Variants in CHAT observed in about 807,000 individuals in gnomAD.
The protein encoded by CHAT is choline O-acetyltransferase.
In CHAT, 61 loss-of-function variants were observed where a neutral mutation model predicts 76.9. That is an observed-to-expected ratio of 0.79 (90% confidence interval 0.65 to 0.98). The LOEUF (loss-of-function observed/expected upper bound fraction) is 0.98, where lower values mean the gene tolerates loss of function less well. Among genes scored for constraint, CHAT ranks in the 50% least tolerant of loss-of-function variants. The probability of loss-of-function intolerance (pLI) is 0.00; values close to 1 mark genes in which losing one functional copy is unlikely to be tolerated. For missense variants in CHAT, 946 were observed against 986.9 expected, an observed-to-expected ratio of 0.96 and a Z score of 0.56; for synonymous variants, 407 against 397.4, an observed-to-expected ratio of 1.02 and a Z score of -0.29.
chr10:49,620,474 CT>C lies in CHAT; in HGVS notation c.580-19del. 1 of 1,557,724 alleles carries C rather than the reference CT, an allele frequency of 6.4e-7. No individual in the cohort carries two copies. On this transcript the variant is annotated intron_variant, in intron 3 of 14. Coordinates refer to ENST00000337653, the MANE Select transcript of CHAT (RefSeq NM_020549.5). ...GGACTGTTTGGGGGGATGTGACGGC[CT>C]TCCCTGCCCTCCCCGGCAGGTGTCT...
chr10:49,612,371 G>T, upstream of CHAT: 2 of 1,553,116 alleles, frequency 1.3e-6, no homozygotes, highest in East Asian at 2.3e-5. Context: ...CCACCCAACC[G>T]CCTTGGGTCA....
At chr10:49,617,020 A>T (rs74467786) in intron 2 of CHAT, among the ~76,000 whole-genome samples, 1 of 152,100 alleles carries the variant, frequency 6.6e-6, no homozygotes, top group Non-Finnish European at 1.5e-5. Context: ...CTTAGGCACC[A>T]TGTTCTCCAC....
intron 6 of CHAT, 99 bp downstream of exon 6, chr10:49,625,752 T>TCG: frequency 7.8e-7 from 1 of 1,280,132 alleles, no homozygotes; most frequent in Non-Finnish European, 1.1e-6. Flanking sequence ...CCTCCTTCCC[T>TCG]GAGTCACACA....
chr10:49,645,419 C>G (rs1839625941), intron 7 of CHAT, among the ~76,000 whole-genome samples: 1 of 152,170 alleles, frequency 6.6e-6, no homozygotes, highest in Admixed American at 6.5e-5. Context: ...TTTGGGTGGA[C>G]TTTTTAACTT....
intron 1 of CHAT, among the ~76,000 whole-genome samples, chr10:49,615,544 G>A (rs746170230): frequency 1.6e-4 from 24 of 152,172 alleles, no homozygotes; most frequent in Non-Finnish European, 3.2e-4. Context: ...GGGTAGGGGT[G>A]GTGTTGGGTG....
chr10:49,622,933 G>C (rs1482239630), intron 5 of CHAT, among the ~76,000 whole-genome samples: 1 of 152,168 alleles, frequency 6.6e-6, no homozygotes. Flanking sequence ...ACCCAGCCTT[G>C]GGACAGAGGC....
intron 2 of CHAT, 48 bp downstream of exon 2, chr10:49,616,650 A>C (rs776731733): frequency 7.0e-6 from 9 of 1,294,090 alleles, no homozygotes; most frequent in Non-Finnish European, 9.9e-6. Flanking sequence ...CCCCACCTAC[A>C]TGCCCTTGCT....
At chr10:49,642,063 A>T (rs1012840686) in intron 7 of CHAT, among the ~76,000 whole-genome samples, 1 of 152,064 alleles carries the variant, frequency 6.6e-6, no homozygotes, top group African/African-American at 2.4e-5. Flanking sequence ...CTCCTTGGGC[A>T]TGGGTGTCAG....
At chr10:49,648,735 AC>A in intron 9 of CHAT, 128 bp downstream of exon 9, 2 of 650,714 alleles carry the variant, frequency 3.1e-6, no homozygotes, top group Non-Finnish European at 5.5e-6. Flanking sequence ...ATACACACAC[AC>A]ACACACACAC....
At chr10:49,646,194 C>T (rs1012764677) in intron 7 of CHAT, among the ~76,000 whole-genome samples, 10 of 152,188 alleles carry the variant, frequency 6.6e-5, no homozygotes, top group African/African-American at 2.4e-4. Flanking sequence ...CTAAGCATCC[C>T]GCTTCATCTT....
At position 49,640,574 on chromosome 10, in the gene CHAT, A is replaced by G. The variant is rs578028546; in HGVS notation, c.1112-5931A>G. On this transcript the variant is annotated intron_variant, in intron 7 of 14. Coordinates refer to ENST00000337653, the MANE Select transcript of CHAT (RefSeq NM_020549.5). ...TGGGGAAAAGGACGGAGGGCTGGTT[A>G]TTGCTCAATGGAGATAGAATTCTCA... 9.9e-5 allele frequency among the ~76,000 whole-genome samples: 15 copies of G among 152,216 alleles called. No homozygotes were observed. In the South Asian group the frequency reaches 2.9e-3, roughly 29 times the overall value.
chr10:49,616,400 C>A, intron 1 of CHAT, 102 bp from the exon 2 acceptor site: 1 of 912,230 alleles, frequency 1.1e-6, no homozygotes, highest in Non-Finnish European at 1.8e-6. Flanking sequence ...AGGCTCTGGC[C>A]TCCTCATGGG....
chr10:49,622,040 G>GAAGGTAGGGAAGAGGAA, intron 4 of CHAT, 57 bp from the exon 5 acceptor site: 1 of 1,544,902 alleles, frequency 6.5e-7, no homozygotes, highest in Non-Finnish European at 8.9e-7. Flanking sequence ...AAGGGAGGGA[G>GAAGGTAGGGAAGAGGAA]GGAGGGAGGA....
chr10:49,640,002 A>G (rs1839427497), intron 7 of CHAT, among the ~76,000 whole-genome samples: 1 of 152,102 alleles, frequency 6.6e-6, no homozygotes, highest in Non-Finnish European at 1.5e-5. Context: ...TGGTTATTCT[A>G]TTATTCAGTC....
chr10:49,661,361 A>G (rs1351632879), intron 13 of CHAT: 1 of 152,222 alleles, frequency 6.6e-6, no homozygotes, highest in Non-Finnish European at 1.5e-5. Context: ...AGAAATTAAA[A>G]GAGTAGTCTC....
intron 3 of CHAT, 111 bp downstream of exon 3, chr10:49,620,027 T>G (rs368197673): frequency 4.6e-6 from 5 of 1,084,306 alleles, no homozygotes; most frequent in African/African-American, 1.6e-5. Context: ...GAAGGAGAGA[T>G]GAGGGACAGG....
At chr10:49,632,019 G>A (rs994345606) in intron 7 of CHAT, among the ~76,000 whole-genome samples, 1 of 152,028 alleles carries the variant, frequency 6.6e-6, no homozygotes, top group Non-Finnish European at 1.5e-5. Flanking sequence ...ATGAGGGAGG[G>A]GGAGTTGTTT....
chr10:49,626,683 G>A (rs1838933845), intron 6 of CHAT, among the ~76,000 whole-genome samples: 1 of 152,162 alleles, frequency 6.6e-6, no homozygotes, highest in South Asian at 2.1e-4. Context: ...TTCCAGACAT[G>A]CTCTGGGCCC....
chr10:49,635,024 TCAAGATACGGAACATTCCATCACCACCA>T (rs747469992), intron 7 of CHAT, among the ~76,000 whole-genome samples: 21 of 152,310 alleles, frequency 1.4e-4, no homozygotes, highest in Non-Finnish European at 2.6e-4. Flanking sequence ...ATTGATACAG[TCAAGATACGGAACATTCCATCACCACCA>T]GGATCCCTCT....
Sources: allele counts gnomAD v4.1 joint callset (sites outside exome capture counted in the v4.1 genomes callset), GRCh38; gene constraint gnomAD v4.1.1; transcripts MANE v1.5; gene names NCBI Gene and HGNC (gene_info 2026-07-23, HGNC 2026-07-21).